Variants in WWC1 observed in about 807,000 individuals in gnomAD.
The protein encoded by WWC1 is protein KIBRA.
A neutral mutation model predicts 138.4 loss-of-function variants in WWC1; 55 were observed. That is an observed-to-expected ratio of 0.40 (90% confidence interval 0.32 to 0.50). The LOEUF (loss-of-function observed/expected upper bound fraction) is 0.50, where lower values mean the gene tolerates loss of function less well. WWC1 is among the 20% of genes least tolerant of loss of function. The probability of loss-of-function intolerance (pLI) is 0.72; values close to 1 mark genes in which losing one functional copy is unlikely to be tolerated. For synonymous variants in WWC1, 524 were observed against 564.9 expected (o/e 0.93, Z 1.03); for missense variants, 1,226 against 1,420.4 (o/e 0.86, Z 2.20).
At chr5:168,417,555 C>T (rs928631941) in intron 9 of WWC1, among the ~76,000 whole-genome samples, 6 of 152,142 alleles carry the variant, frequency 3.9e-5, no homozygotes, top group African/African-American at 1.4e-4. Context: ...TAGAAGACCA[C>T]AAGTTTGCTA....
At chr5:168,353,526 G>A (rs926697601) in intron 1 of WWC1, among the ~76,000 whole-genome samples, 1 of 152,168 alleles carries the variant, frequency 6.6e-6, no homozygotes, top group African/African-American at 2.4e-5. Flanking sequence ...CCCCTCAATG[G>A]CATGCCAGCC....
At chr5:168,306,787 G>A (rs1351453686) in intron 1 of WWC1, among the ~76,000 whole-genome samples, 3 of 152,122 alleles carry the variant, frequency 2.0e-5, no homozygotes, top group African/African-American at 7.2e-5. Flanking sequence ...AGTAGAGATG[G>A]GGTTTCGCCA....
At chr5:168,377,851 C>A (rs574945791) in intron 2 of WWC1, among the ~76,000 whole-genome samples, 79 of 152,286 alleles carry the variant, frequency 5.2e-4, no homozygotes, top group African/African-American at 1.9e-3. Flanking sequence ...ATTAGTTCAG[C>A]CACTGTGGAA....
intron 6 of WWC1, among the ~76,000 whole-genome samples, chr5:168,407,925 T>G (rs893851259): frequency 3.3e-5 from 5 of 151,990 alleles, no homozygotes; most frequent in African/African-American, 1.2e-4. Flanking sequence ...TGCAGTGGCA[T>G]GATCATAGCT....
At chr5:168,430,338 G>C (rs1198171146) in intron 14 of WWC1, 115 bp downstream of exon 14, 1 of 772,008 alleles carries the variant, frequency 1.3e-6, no homozygotes, top group Admixed American at 2.4e-5. Context: ...GGCACTGTGG[G>C]TTTGTACTGC....
In WWC1 at chr5:168,410,931, C is replaced by CTTTT. The variant is rs1354123052; in HGVS notation, c.941+954_941+957dup. 6.3e-4 allele frequency among the ~76,000 whole-genome samples: 72 copies of CTTTT among 114,456 alleles called. 2 individuals are homozygous for CTTTT. Among genetic ancestry groups the CTTTT allele is most frequent in the African/African-American group, 9.0e-4 (27 of 29,958 alleles). The allele number at this position is 114,456 out of a possible 152,430, so 75.1% of individuals were successfully genotyped here. On this transcript the variant is annotated intron_variant, in intron 8 of 22. Transcript: ENST00000265293. ...TCTGTCTTTAAGTTCATGATCTTTGCTTTTTTTTTTTTTTTTTTTTTGAGA... is the reference window on the plus strand; with the variant it reads ...TCTGTCTTTAAGTTCATGATCTTTGCTTTTTTTTTTTTTTTTTTTTTTTTTGAGA...
At chr5:168,296,775 C>T (rs1203376436) in intron 1 of WWC1, among the ~76,000 whole-genome samples, 1 of 152,204 alleles carries the variant, frequency 6.6e-6, no homozygotes, top group East Asian at 1.9e-4. Flanking sequence ...CTTTGTGGAG[C>T]TGTGATGTGA....
intron 15 of WWC1, among the ~76,000 whole-genome samples, chr5:168,439,091 A>G (rs905487726): frequency 2.0e-5 from 3 of 152,164 alleles, no homozygotes; most frequent in Non-Finnish European, 4.4e-5. Context: ...AGCATGGTGC[A>G]ATATGTAGAT....
At chr5:168,462,064 AAAAG>A (rs1315192994) in intron 20 of WWC1, among the ~76,000 whole-genome samples, 39 of 133,196 alleles carry the variant, frequency 2.9e-4, no homozygotes, top group Middle Eastern at 4.2e-3. Flanking sequence ...TCAAAAAAAA[AAAAG>A]AAAGAAAGAA....
chr5:168,302,512 G>A (rs1770183693), intron 1 of WWC1, among the ~76,000 whole-genome samples: 1 of 152,154 alleles, frequency 6.6e-6, no homozygotes, highest in Non-Finnish European at 1.5e-5. Context: ...GTCGACAGTG[G>A]TGGTGCGGAC....
chr5:168,349,455 C>T (rs866227648), intron 1 of WWC1, among the ~76,000 whole-genome samples: 1 of 152,182 alleles, frequency 6.6e-6, no homozygotes, highest in African/African-American at 2.4e-5. Context: ...AAGATTTCTT[C>T]CTTCCATCCC....
chr5:168,444,608 C>T, intron 17 of WWC1, 23 bp downstream of exon 17: 1 of 1,612,266 alleles, frequency 6.2e-7, no homozygotes, highest in South Asian at 1.1e-5. Flanking sequence ...GCCCTTGGGC[C>T]CCAGGAGCTG....
chr5:168,318,167 C>T (rs1771765681), intron 1 of WWC1, among the ~76,000 whole-genome samples: 1 of 152,038 alleles, frequency 6.6e-6, no homozygotes, highest in African/African-American at 2.4e-5. Context: ...AATCTGTTTG[C>T]AAATGTTCTC....
At chr5:168,385,956 C>G (rs551193563) in intron 3 of WWC1, among the ~76,000 whole-genome samples, 1 of 152,280 alleles carries the variant, frequency 6.6e-6, no homozygotes, top group African/African-American at 2.4e-5. Context: ...GCCACTCTTG[C>G]CTCATCTCAT....
chr5:168,456,920 C>T (rs1756380041), intron 19 of WWC1, among the ~76,000 whole-genome samples: 1 of 152,104 alleles, frequency 6.6e-6, no homozygotes, highest in Non-Finnish European at 1.5e-5. Context: ...AGACTCAAGC[C>T]TCACGCATTT....
At position 168,431,336 on chromosome 5, in the gene WWC1, A is replaced by G. The variant is rs1781918866; in HGVS notation, c.2172A>G (p.Leu724=). The part of the protein sequence containing the change: ...RTRPLDASDT[L]VFNEVFWVSM... ...GGCCTCTGGACGCCTCAGACACTCT[A>G]GTGTTCAATGAGGTGTTCTGGGTAT... The change falls in exon 15 of 23, where the codon CTA becomes CTG. Residue 724 remains leucine (L), a synonymous_variant. Transcript: ENST00000265293. The G allele has an allele frequency of 2.5e-6, 4 of 1,613,914 alleles. No individual in the cohort carries two copies. The highest frequency in any genetic ancestry group is 3.4e-6 in the Non-Finnish European group (4 of 1,180,016).
chr5:168,463,920 T>C (rs10054916), intron 20 of WWC1, among the ~76,000 whole-genome samples: 2,925 of 152,254 alleles, frequency 0.019, 94 homozygotes, highest in African/African-American at 0.066. Context: ...GTTTATATCT[T>C]GAAGGCTTAG....
chr5:168,357,479 TGTGTGTGTGTGTGTGC>T (rs1775530662), intron 1 of WWC1, among the ~76,000 whole-genome samples: 2 of 136,534 alleles, frequency 1.5e-5, no homozygotes, highest in African/African-American at 2.9e-5. Flanking sequence ...TGTGTGTGTG[TGTGTGTGTGTGTGTGC>T]GCGCGCGCAC....
At chr5:168,433,368 G>A (rs892549066) in intron 15 of WWC1, among the ~76,000 whole-genome samples, 1 of 152,232 alleles carries the variant, frequency 6.6e-6, no homozygotes, top group African/African-American at 2.4e-5. Context: ...AGAATGTAGA[G>A]CAGCAAAGTG....
Sources: allele counts gnomAD v4.1 joint callset (sites outside exome capture counted in the v4.1 genomes callset), GRCh38; gene constraint gnomAD v4.1.1; transcripts MANE v1.5; gene names NCBI Gene and HGNC (gene_info 2026-07-23, HGNC 2026-07-21).